The following PAPOLB variants were observed in gnomAD, a reference collection of about 807,000 sequenced individuals.
The protein encoded by PAPOLB is poly(A) polymerase beta, also known as PAP-beta.
In PAPOLB, 19 loss-of-function variants were observed where a neutral mutation model predicts 23.2. The ratio of observed to expected loss-of-function variants is 0.82; its 90% CI spans 0.57 to 1.20. The LOEUF (loss-of-function observed/expected upper bound fraction) is 1.20, where lower values mean the gene tolerates loss of function less well. Ranked by LOEUF, PAPOLB falls within the 50% of genes most tolerant of loss-of-function variation. The probability of loss-of-function intolerance (pLI) is 0.00; values close to 1 mark genes in which losing one functional copy is unlikely to be tolerated. For missense variants in PAPOLB, 822 were observed against 776.8 expected, an observed-to-expected ratio of 1.06 and a Z score of -0.69; for synonymous variants, 360 against 290.7, an observed-to-expected ratio of 1.24 and a Z score of -2.43.
rs1241226447 is a variant in PAPOLB, at chr7:4,861,733, A to T, written c.78T>A (p.Pro26=). The part of the protein sequence containing the change: ...PPPNRYGVSS[P]ISLAVPKETD... ...TCTCCTTGGGGACCGCTAGACTGATAGGCGAGGAGACGCCGTAGCGATTCG... is the reference window on the plus strand; with the variant it reads ...TCTCCTTGGGGACCGCTAGACTGATTGGCGAGGAGACGCCGTAGCGATTCG... Residue 26 remains proline (P), a synonymous_variant, in exon 1 of 1, where the codon CCT becomes CCA. Transcript: ENST00000404991. 1 of 1,518,298 alleles carries T rather than the reference A, an allele frequency of 6.6e-7. No homozygotes were observed. Among genetic ancestry groups the T allele is most frequent in the African/African-American group, 1.4e-5 (1 of 71,262 alleles). 94.1% of individuals were successfully genotyped at this position (1,518,298 alleles called of 1,614,324 possible). A position where few individuals can be genotyped will look rare whatever the true frequency, so the allele number is the denominator to read the frequency against.
rs1783946376 is a variant in PAPOLB at position 4,860,191 on chromosome 7, A to G, written c.1620T>C (p.Thr540=). 2 of 1,613,914 alleles carry G rather than the reference A, an allele frequency of 1.2e-6. No individual in the cohort carries two copies. Among genetic ancestry groups the G allele is most frequent in the African/African-American group, 2.7e-5 (2 of 74,940 alleles). ...TCAATGGGCCTGTCTTCATAGTGCT[A>G]GTAGATGAAGGCACAGACATGCTGT... ...CENSMSVPSS[T]STMKTGPLIS... Residue 540 remains threonine, a synonymous_variant, in exon 1 of 1, where the codon ACT becomes ACC. Coordinates refer to ENST00000404991, the MANE Select transcript of PAPOLB (RefSeq NM_020144.5).
rs1783871823 is a variant in PAPOLB at position 4,857,885 on chromosome 7, A to AC, written c.*2011_*2012insG. 6.6e-6 allele frequency: 1 copy of AC among 152,656 alleles called. No individual in the cohort carries two copies. The highest frequency in any genetic ancestry group is 2.4e-5 in the African/African-American group (1 of 41,468). 9.5% of individuals were successfully genotyped at this position (152,656 alleles called of 1,614,324 possible). On this transcript the variant is annotated 3_prime_UTR_variant, in exon 1 of 1. Coordinates refer to ENST00000404991, the MANE Select transcript of PAPOLB (RefSeq NM_020144.5). ...ACATCACATGAAAAAATGGTCTGACATTCAGGTAATAAAAATTAGAAATAA... is the reference window on the plus strand; with the variant it reads ...ACATCACATGAAAAAATGGTCTGACACTTCAGGTAATAAAAATTAGAAATAA...
At position 4,860,167 on chromosome 7, in the gene PAPOLB, C is replaced by G. The variant is rs767630385; in HGVS notation, c.1644G>C (p.Leu548Phe). ...TGTTTCTACCCTGAGAACTGCTAAT[C>G]AATGGGCCTGTCTTCATAGTGCTAG... ...SSTSTMKTGP[L>F]ISSSQGRNSP... The change falls in exon 1 of 1, where the codon TTG becomes TTC. Residue 548 changes from leucine (L) to phenylalanine (F), a missense_variant. Leu to Phe is a conservative substitution (Grantham distance 22). This residue lies in a region of PAPOLB where 534 missense variants were observed against 502.8 expected (regional missense o/e 1.06). Coordinates refer to ENST00000404991, the MANE Select transcript of PAPOLB (RefSeq NM_020144.5). 2 of 1,614,022 alleles carry G rather than the reference C, an allele frequency of 1.2e-6. No individual in the cohort carries two copies. Among genetic ancestry groups the G allele is most frequent in the Non-Finnish European group, 1.7e-6 (2 of 1,179,884 alleles).
In PAPOLB at chr7:4,861,427, G is replaced by A. The variant is rs377476980; in HGVS notation, c.384C>T (p.Ser128=). Residue 128 remains serine, a synonymous_variant, in exon 1 of 1, where the codon AGC becomes AGT. Coordinates refer to ENST00000404991, the MANE Select transcript of PAPOLB (RefSeq NM_020144.5). ...TAGCATAGAATGAGGTGAAAAAGTCGCTTCGATCCACATGACTTGGTGCAA... is the reference window on the plus strand; with the variant it reads ...TAGCATAGAATGAGGTGAAAAAGTCACTTCGATCCACATGACTTGGTGCAA... ...LCVAPSHVDR[S]DFFTSFYAKL... is the part of the protein sequence containing the mutation. 127 of 1,613,990 alleles carry A rather than the reference G, an allele frequency of 7.9e-5. 2 individuals are homozygous for A. In the South Asian group the frequency reaches 1.4e-3, roughly 17 times the overall value.
Position 4,861,577 on chromosome 7 carries a change from G to C in PAPOLB, c.234C>G (p.Arg78=), listed in dbSNP as rs772110458. 3.7e-6 allele frequency: 6 copies of C among 1,613,572 alleles called. No homozygotes were observed. The Admixed American group carries it at 1.0e-4, about 27-fold the overall frequency. The change falls in exon 1 of 1, where the codon CGC becomes CGG. Residue 78 remains arginine (R), a synonymous_variant. Coordinates refer to ENST00000404991, the MANE Select transcript of PAPOLB (RefSeq NM_020144.5). ...GAAGACTCTTGCTTTCACTGATTTC[G>C]CGTATCCATTCCTTTACCAGATTAT... The part of the protein sequence containing the change: ...KLNNLVKEWI[R]EISESKSLPQ...
chr7:4,861,318 T>G lies in PAPOLB; in HGVS notation c.493A>C (p.Ile165Leu), dbSNP rs911670576. ...VPVIKLCFDG[I>L]EIDILFARLA... is the part of the protein sequence containing the mutation. The stretch of plus-strand genomic sequence containing the variant: ...CTTGCAAATAAAATATCAATCTCTA[T>G]CCCATCAAAACACAGTTTGATAACT... Residue 165 changes from isoleucine to leucine, a missense_variant, in exon 1 of 1, where the codon ATA (isoleucine) becomes CTA (leucine). Ile to Leu is a conservative substitution (Grantham distance 5). This residue lies in a region of PAPOLB where 276 missense variants were observed against 243.9 expected (regional missense o/e 1.13). Transcript: ENST00000404991. 9 of 1,613,950 alleles carry G rather than the reference T, an allele frequency of 5.6e-6. No homozygotes were observed. Among genetic ancestry groups the G allele is most frequent in the Non-Finnish European group, 7.6e-6 (9 of 1,179,804 alleles).
chr7:4,860,772 C>T lies in PAPOLB; in HGVS notation c.1039G>A (p.Ala347Thr), dbSNP rs768870698. The T allele has an allele frequency of 2.5e-6, 4 of 1,614,080 alleles. No homozygotes were observed. In the Admixed American group the frequency reaches 5.0e-5, roughly 20 times the overall value. Residue 347 changes from alanine to threonine, a missense_variant, in exon 1 of 1, where the codon GCT becomes ACT. Ala to Thr is a moderately conservative substitution (Grantham distance 58). Around this residue, in one of 3 missense-constraint regions of PAPOLB, gnomAD observed 534 missense variants for 502.8 expected, o/e 1.06. Coordinates refer to ENST00000404991, the MANE Select transcript of PAPOLB (RefSeq NM_020144.5). ...VMIEEFKQGL[A>T]ITHEILLSKA... is the part of the protein sequence containing the mutation. ...CTTAGCAAAATCTCGTGTGTGATAGCAAGCCCCTGTTTAAACTCCTCAATC... is the reference window on the plus strand; with the variant it reads ...CTTAGCAAAATCTCGTGTGTGATAGTAAGCCCCTGTTTAAACTCCTCAATC...
At position 4,857,793 on chromosome 7, in the gene PAPOLB, C is replaced by G. The variant is rs191717025; in HGVS notation, c.*2104G>C. The stretch of plus-strand genomic sequence containing the variant: ...AATGGAGAAATAAGTCATCTGTTTT[C>G]AAAACAGTGCTTGAATATACCAGGA... On this transcript the variant is annotated 3_prime_UTR_variant, in exon 1 of 1. Transcript: ENST00000404991. The G allele has an allele frequency of 1.4e-3, 219 of 152,552 alleles. No homozygotes were observed. The highest frequency in any genetic ancestry group is 1.8e-3 in the Non-Finnish European group (123 of 67,984). 9.4% of individuals were successfully genotyped at this position (152,552 alleles called of 1,614,324 possible).
Position 4,861,187 on chromosome 7 carries a change from G to A in PAPOLB, c.624C>T (p.Thr208=), listed in dbSNP as rs767678590. 8.1e-6 allele frequency: 13 copies of A among 1,614,020 alleles called. No homozygotes were observed. The highest frequency in any genetic ancestry group is 4.5e-5 in the East Asian group (2 of 44,894). ...TTGGCACTAGATGTAAAATTTCATCGGTTACCCGGCAACCATTAAGGCTTC... is the reference window on the plus strand; with the variant it reads ...TTGGCACTAGATGTAAAATTTCATCAGTTACCCGGCAACCATTAAGGCTTC... ...CIRSLNGCRV[T]DEILHLVPNI... is the part of the protein sequence containing the mutation. Residue 208 remains threonine, a synonymous_variant, in exon 1 of 1, where the codon ACC becomes ACT. Transcript: ENST00000404991.
Position 4,860,923 on chromosome 7 carries a change from A to G in PAPOLB, c.888T>C (p.Leu296=). 6.2e-7 allele frequency: 1 copy of G among 1,614,208 alleles called. No homozygotes were observed. Among genetic ancestry groups the G allele is most frequent in the South Asian group, 1.1e-5 (1 of 91,082 alleles). ...CTCTTGGGTCCCATACAGGCAAATTAAGATTCCGTTCTTCAGGCTCCTTCA... is the reference window on the plus strand; with the variant it reads ...CTCTTGGGTCCCATACAGGCAAATTGAGATTCCGTTCTTCAGGCTCCTTCA... ...VLLKEPEERN[L]NLPVWDPRVN... Residue 296 remains leucine (L), a synonymous_variant, in exon 1 of 1, where the codon CTT becomes CTC. Coordinates refer to ENST00000404991, the MANE Select transcript of PAPOLB (RefSeq NM_020144.5).
At position 4,861,159 on chromosome 7, in the gene PAPOLB, T is replaced by A; in HGVS notation, c.652A>T (p.Ile218Phe). 1.2e-6 allele frequency: 2 copies of A among 1,614,252 alleles called. No homozygotes were observed. Among genetic ancestry groups the A allele is most frequent in the East Asian group, 4.5e-5 (2 of 44,886 alleles). ...TDEILHLVPN[I>F]DNFRLTLRAI... is the part of the protein sequence containing the mutation. ...CTCAGAGTCAGCCTGAAGTTGTCAA[T>A]GTTTGGCACTAGATGTAAAATTTCA... The change falls in exon 1 of 1, where the codon ATT becomes TTT. Residue 218 changes from isoleucine (I) to phenylalanine (F), a missense_variant. Around this residue, in one of 3 missense-constraint regions of PAPOLB, gnomAD observed 534 missense variants for 502.8 expected, o/e 1.06. Transcript: ENST00000404991.
chr7:4,859,858 T>C lies in PAPOLB; in HGVS notation c.*39A>G, dbSNP rs752149206. The C allele has an allele frequency of 2.1e-6, 3 of 1,413,242 alleles. No individual in the cohort carries two copies. Among genetic ancestry groups the C allele is most frequent in the Middle Eastern group, 1.8e-4 (1 of 5,448 alleles). 87.5% of individuals were successfully genotyped at this position (1,413,242 alleles called of 1,614,324 possible). A position where few individuals can be genotyped will look rare whatever the true frequency, so the allele number is the denominator to read the frequency against. ...TCTTCCGTTTTGGTTTTCTTGGTCC[T>C]TTCTTCTTTATGAGGCAAGAATATC... On this transcript the variant is annotated 3_prime_UTR_variant, in exon 1 of 1. Coordinates refer to ENST00000404991, the MANE Select transcript of PAPOLB (RefSeq NM_020144.5).
Position 4,857,990 on chromosome 7 carries a change from AAACAAAATG to A in PAPOLB, c.*1898_*1906del, listed in dbSNP as rs1316737450. On this transcript the variant is annotated 3_prime_UTR_variant, in exon 1 of 1. Transcript: ENST00000404991. ...TAAACTAATTTTTTTCCCAATGTGT[AAACAAAATG>A]ACCAGACTAAATTTGTGCCTGGCCA... 3 of 152,668 alleles carry A rather than the reference AAACAAAATG, an allele frequency of 2.0e-5. No individual in the cohort carries two copies. Among genetic ancestry groups the A allele is most frequent in the Non-Finnish European group, 4.4e-5 (3 of 68,038 alleles). The allele number at this position is 152,668 out of a possible 1,614,324, so 9.5% of individuals were successfully genotyped here. A position where few individuals can be genotyped will look rare whatever the true frequency, so the allele number is the denominator to read the frequency against.
Position 4,861,243 on chromosome 7 carries a change from G to T in PAPOLB, c.568C>A (p.Leu190Ile), listed in dbSNP as rs1022944609. ...PEDLDLRDDS[L>I]LKNLDIRCIR... ...CATCTAATGTCTAAATTTTTAAGTA[G>T]ACTGTCATCTCTTAAGTCCAAATCT... The change falls in exon 1 of 1, where the codon CTA (leucine) becomes ATA (isoleucine). Residue 190 changes from leucine (L) to isoleucine (I), a missense_variant. Leu to Ile is a conservative substitution (Grantham distance 5, BLOSUM62 2). Around this residue, in one of 3 missense-constraint regions of PAPOLB, gnomAD observed 276 missense variants for 243.9 expected, o/e 1.13. Transcript: ENST00000404991. The T allele has an allele frequency of 6.2e-7, 1 of 1,614,070 alleles. No individual in the cohort carries two copies.
At position 4,860,059 on chromosome 7, in the gene PAPOLB, T is replaced by G; in HGVS notation, c.1752A>C (p.Glu584Asp). 1.6e-5 allele frequency: 26 copies of G among 1,614,004 alleles called. No homozygotes were observed. Among genetic ancestry groups the G allele is most frequent in the Non-Finnish European group, 2.1e-5 (25 of 1,179,884 alleles). Reference protein sequence around the residue: ...EFSLQQVNTNESSGVALNESI... With the variant: ...EFSLQQVNTNDSSGVALNESI... The stretch of plus-strand genomic sequence containing the variant: ...TTTCGTTTAATGCAACCCCTGAACT[T>G]TCATTGGTATTCACCTGTTGCAAGG... The change falls in exon 1 of 1, where the codon GAA becomes GAC. Residue 584 changes from glutamate (E) to aspartate (D), a missense_variant. This residue lies in a region of PAPOLB where 534 missense variants were observed against 502.8 expected (regional missense o/e 1.06). Transcript: ENST00000404991.
chr7:4,861,940 C>G lies in PAPOLB; in HGVS notation c.-130G>C, dbSNP rs568349202. On this transcript the variant is annotated 5_prime_UTR_variant, in exon 1 of 1. Transcript: ENST00000404991. ...CCCTGGTCCGACCCCACTCCCACTC[C>G]CGCTGCGCGCCCGCCGCTTCAGGAG... The G allele has an allele frequency of 3.2e-4, 161 of 506,586 alleles. No individual in the cohort carries two copies. The highest frequency in any genetic ancestry group is 3.0e-3 in the African/African-American group (151 of 49,734). The allele number at this position is 506,586 out of a possible 1,614,324, so 31.4% of individuals were successfully genotyped here.
In PAPOLB at chr7:4,859,827, T is replaced by G; in HGVS notation, c.*70A>C. 1.1e-6 allele frequency: 1 copy of G among 934,498 alleles called. No individual in the cohort carries two copies. The highest frequency in any genetic ancestry group is 1.7e-5 in the African/African-American group (1 of 60,524). 57.9% of individuals were successfully genotyped at this position (934,498 alleles called of 1,614,324 possible). On this transcript the variant is annotated 3_prime_UTR_variant, in exon 1 of 1. Coordinates refer to ENST00000404991, the MANE Select transcript of PAPOLB (RefSeq NM_020144.5). ...AGTTGTACTTGTCTTTGTATTGAGT[T>G]TCTCCTCTTCCGTTTTGGTTTTCTT...
In PAPOLB at chr7:4,859,182, C is replaced by T. The variant is rs146199891; in HGVS notation, c.*715G>A. ...TTCTCTGAAGTACAGTACACCGCTGCACAATGGTATCCAATTTTAAGATTA... is the reference window on the plus strand; with the variant it reads ...TTCTCTGAAGTACAGTACACCGCTGTACAATGGTATCCAATTTTAAGATTA... On this transcript the variant is annotated 3_prime_UTR_variant, in exon 1 of 1. Transcript: ENST00000404991. The T allele has an allele frequency of 5.6e-3, 859 of 152,604 alleles. 3 individuals are homozygous for T. The highest frequency in any genetic ancestry group is 0.014 in the Middle Eastern group (4 of 294). 9.5% of individuals were successfully genotyped at this position (152,604 alleles called of 1,614,324 possible).
Position 4,860,680 on chromosome 7 carries a change from T to A in PAPOLB, c.1131A>T (p.Val377=). The A allele has an allele frequency of 6.2e-7, 1 of 1,614,176 alleles. No individual in the cohort carries two copies. The highest frequency in any genetic ancestry group is 1.3e-5 in the African/African-American group (1 of 75,062). The change falls in exon 1 of 1, where the codon GTA becomes GTT. Residue 377 remains valine, a synonymous_variant. Transcript: ENST00000404991. ...SFFQKYKHYI[V]LLASASTEKQ... Reference sequence around the variant, plus strand: ...TTTCTGTTGATGCACTTGCCAGAAGTACAATATAATGCTTGTACTTTTGAA... The same window carrying A: ...TTTCTGTTGATGCACTTGCCAGAAGAACAATATAATGCTTGTACTTTTGAA...
Sources: allele counts gnomAD v4.1 joint callset, GRCh38; gene constraint gnomAD v4.1.1; regional missense constraint gnomAD v4.1.1; transcripts MANE v1.5; gene names NCBI Gene and HGNC (gene_info 2026-07-23, HGNC 2026-07-21).